Variants in RBFOX1 observed in about 807,000 individuals in gnomAD.
RBFOX1 encodes the protein RNA binding protein fox-1 homolog 1.
A neutral mutation model predicts 57.7 loss-of-function variants in RBFOX1; 8 were observed. The observed-to-expected ratio is 0.14, with a 90% CI of 0.08 to 0.25. The LOEUF (loss-of-function observed/expected upper bound fraction) is 0.25. Among genes scored for constraint, RBFOX1 ranks in the 10% least tolerant of loss-of-function variants. The pLI, the probability that RBFOX1 is intolerant of heterozygous loss-of-function variation, is 1.00. For synonymous variants in RBFOX1, 326 were observed against 222.4 expected (o/e 1.47, Z -4.15); for missense variants, 611 against 548.5 (o/e 1.11, Z -1.14).
chr16:6,751,061 C>G (rs368700170), intron 3 of RBFOX1, among the ~76,000 whole-genome samples: 3 of 152,092 alleles, frequency 2.0e-5, no homozygotes, highest in African/African-American at 7.2e-5. Flanking sequence ...AAAAGGAGAT[C>G]AGGGTGGCAA....
intron 4 of RBFOX1, among the ~76,000 whole-genome samples, chr16:7,415,391 A>G (rs563361725): frequency 3.9e-5 from 6 of 152,308 alleles, no homozygotes; most frequent in Non-Finnish European, 7.3e-5. Context: ...GAGCCAGTGC[A>G]CTTGAAGTTT....
intron 3 of RBFOX1, among the ~76,000 whole-genome samples, chr16:7,047,963 C>G (rs947364125): frequency 4.0e-5 from 6 of 151,790 alleles, no homozygotes; most frequent in African/African-American, 1.5e-4. Flanking sequence ...ACTGCAACCT[C>G]CCCCTGCCGG....
chr16:6,632,545 C>T (rs1004916341), intron 2 of RBFOX1, among the ~76,000 whole-genome samples: 3 of 152,156 alleles, frequency 2.0e-5, no homozygotes, highest in Admixed American at 1.3e-4. Context: ...ACAGAGGCTC[C>T]TGTCTTTTAC....
intron 4 of RBFOX1, among the ~76,000 whole-genome samples, chr16:6,009,543 A>G (rs903545110): frequency 6.6e-6 from 1 of 152,128 alleles, no homozygotes; most frequent in Admixed American, 6.6e-5. Context: ...ATTTTAATAT[A>G]TTTATGGTGC....
rs1294924413 is a variant in RBFOX1, at chr16:6,483,575, T to C, written c.-64+166518T>C. The C allele has an allele frequency of 5.9e-6, 9 of 1,531,500 alleles. No individual in the cohort carries two copies. In the Admixed American group the frequency reaches 5.9e-5, roughly 10 times the overall value. The allele number at this position is 1,531,500 out of a possible 1,614,324, so 94.9% of individuals were successfully genotyped here. On this transcript the variant is annotated intron_variant, in intron 2 of 15. Coordinates refer to ENST00000550418, the MANE Select transcript of RBFOX1 (RefSeq NM_018723.4). The stretch of plus-strand genomic sequence containing the variant: ...GCGAGCGAAGAAGACTCTAAAACAC[T>C]GTCAGGGAAGGAGAGAAAGAGGGAG...
At chr16:6,557,358 C>G (rs1039301003) in intron 2 of RBFOX1, among the ~76,000 whole-genome samples, 4 of 151,762 alleles carry the variant, frequency 2.6e-5, no homozygotes, top group South Asian at 2.1e-4. Flanking sequence ...AAAATAATTG[C>G]TAAGAATTAT....
At chr16:5,702,960 T>C (rs748964048) in intron 3 of RBFOX1, among the ~76,000 whole-genome samples, 3 of 152,228 alleles carry the variant, frequency 2.0e-5, no homozygotes, top group Admixed American at 6.5e-5. Context: ...TGCATGTTAC[T>C]ATGTGACAAA....
intron 3 of RBFOX1, among the ~76,000 whole-genome samples, chr16:5,823,716 C>T (rs2151810296): frequency 6.6e-6 from 1 of 152,290 alleles, no homozygotes; most frequent in Middle Eastern, 3.4e-3. Flanking sequence ...TGTGAGGGAT[C>T]TAGGTTGCAT....
At chr16:6,541,983 G>T (rs1488008397) in intron 2 of RBFOX1, among the ~76,000 whole-genome samples, 1 of 150,774 alleles carries the variant, frequency 6.6e-6, no homozygotes, top group Non-Finnish European at 1.5e-5. Context: ...GTCTCACTCT[G>T]TCACCCTTGC....
intron 3 of RBFOX1, among the ~76,000 whole-genome samples, chr16:6,965,679 G>C (rs1309331381): frequency 6.6e-6 from 1 of 152,216 alleles, no homozygotes; most frequent in Non-Finnish European, 1.5e-5. Flanking sequence ...TGTGAGTCCA[G>C]TGACTATATT....
chr16:5,883,990 T>G (rs1442981833), intron 4 of RBFOX1, among the ~76,000 whole-genome samples: 1 of 152,182 alleles, frequency 6.6e-6, no homozygotes, highest in African/African-American at 2.4e-5. Context: ...GAGATCCCAT[T>G]GACTTGGATG....
At chr16:5,626,566 A>T (rs762512603) in intron 3 of RBFOX1, among the ~76,000 whole-genome samples, 2 of 152,138 alleles carry the variant, frequency 1.3e-5, no homozygotes, top group African/African-American at 4.8e-5. Flanking sequence ...AACCAAAAAG[A>T]TCCTGGAATA....
At chr16:6,104,577 C>T (rs1270025081) in intron 1 of RBFOX1, among the ~76,000 whole-genome samples, 1 of 152,116 alleles carries the variant, frequency 6.6e-6, no homozygotes, top group East Asian at 1.9e-4. Context: ...ATCTCTGTTC[C>T]CACCCTCAGC....
chr16:5,727,989 C>T (rs1161312885), intron 3 of RBFOX1, among the ~76,000 whole-genome samples: 1 of 152,192 alleles, frequency 6.6e-6, no homozygotes, highest in Non-Finnish European at 1.5e-5. Context: ...GCCCGGCCTC[C>T]TCTCTCTGTT....
At chr16:7,444,993 C>G (rs1362687417) in intron 4 of RBFOX1, among the ~76,000 whole-genome samples, 2 of 151,646 alleles carry the variant, frequency 1.3e-5, no homozygotes, top group African/African-American at 2.4e-5. Flanking sequence ...TATTGCTGAG[C>G]CTGACTTTGA....
intron 3 of RBFOX1, among the ~76,000 whole-genome samples, chr16:6,712,198 G>T (rs1255106589): frequency 6.6e-6 from 1 of 152,124 alleles, no homozygotes; most frequent in Non-Finnish European, 1.5e-5. Flanking sequence ...ACTATCAGAG[G>T]CTGTTTCAGC....
intron 1 of RBFOX1, among the ~76,000 whole-genome samples, chr16:5,373,353 G>A (rs1383252676): frequency 6.6e-6 from 1 of 152,168 alleles, no homozygotes; most frequent in Non-Finnish European, 1.5e-5. Context: ...GGACCCGGTG[G>A]GAGGTGACTG....
chr16:6,455,290 C>T (rs9938361), intron 2 of RBFOX1, among the ~76,000 whole-genome samples: 123,947 of 151,864 alleles, frequency 0.82, 50,689 homozygotes, highest in East Asian at 0.93. Flanking sequence ...ACCTGAACAA[C>T]CTAACCACGA....
chr16:7,674,618 C>T (rs1032082116), intron 13 of RBFOX1, among the ~76,000 whole-genome samples: 1 of 152,204 alleles, frequency 6.6e-6, no homozygotes, highest in Non-Finnish European at 1.5e-5. Flanking sequence ...TTGTGCCCGT[C>T]TTGTCTGGAA....
Sources: gnomAD v4.1 joint callset for allele counts (sites outside exome capture counted in the v4.1 genomes callset) on GRCh38, gnomAD v4.1.1 for gene constraint, MANE v1.5 for transcripts, NCBI Gene and HGNC (gene_info 2026-07-23, HGNC 2026-07-21) for gene names.